DSCAM: variants seen among roughly 807,000 people sequenced by gnomAD.
DSCAM encodes the protein DS cell adhesion molecule.
In DSCAM, 47 loss-of-function variants were observed where a neutral mutation model predicts 217.7. That is an observed-to-expected ratio of 0.22 (90% CI 0.17 to 0.28). The LOEUF (loss-of-function observed/expected upper bound fraction) is 0.28. Ranked by LOEUF, DSCAM falls within the 10% of genes least tolerant of loss-of-function variation. The pLI, the probability that DSCAM is intolerant of heterozygous loss-of-function variation, is 1.00. For missense variants in DSCAM, 2,080 were observed against 2,618.3 expected, an observed-to-expected ratio of 0.79 and a Z score of 4.49; for synonymous variants, 1,056 against 1,015.3, an observed-to-expected ratio of 1.04 and a Z score of -0.76.
intron 20 of DSCAM, among the ~76,000 whole-genome samples, chr21:40,121,562 A>G (rs952374935): frequency 4.6e-5 from 7 of 151,942 alleles, no homozygotes; most frequent in Non-Finnish European, 8.8e-5. Context: ...GCACCTGCCC[A>G]TCATATTTCT....
At chr21:40,387,046 G>A (rs1291048415) in intron 3 of DSCAM, among the ~76,000 whole-genome samples, 1 of 151,834 alleles carries the variant, frequency 6.6e-6, no homozygotes, top group Non-Finnish European at 1.5e-5. Flanking sequence ...TTCTGACTAT[G>A]TAAAAAACTA....
intron 11 of DSCAM, among the ~76,000 whole-genome samples, chr21:40,218,492 A>G (rs1349572362): frequency 6.6e-6 from 1 of 152,072 alleles, no homozygotes; most frequent in African/African-American, 2.4e-5. Flanking sequence ...TTTTGGTTCC[A>G]TATGAATTTC....
intron 2 of DSCAM, among the ~76,000 whole-genome samples, chr21:40,695,658 G>A (rs1380325826): frequency 6.6e-6 from 1 of 152,156 alleles, no homozygotes; most frequent in Non-Finnish European, 1.5e-5. Flanking sequence ...TGTGCAGTGA[G>A]CCTTTAAAAA....
intron 9 of DSCAM, among the ~76,000 whole-genome samples, chr21:40,299,815 T>C (rs1220512058): frequency 6.6e-6 from 1 of 152,136 alleles, no homozygotes; most frequent in Non-Finnish European, 1.5e-5. Context: ...AGTTTATTTT[T>C]TAAAAAGTGC....
intron 16 of DSCAM, among the ~76,000 whole-genome samples, chr21:40,156,749 G>A (rs1274191547): frequency 6.6e-6 from 1 of 152,200 alleles, no homozygotes; most frequent in East Asian, 1.9e-4. Flanking sequence ...AGTCCAGGCT[G>A]AGGAGTTCTA....
intron 1 of DSCAM, among the ~76,000 whole-genome samples, chr21:40,710,164 G>A (rs966467803): frequency 9.4e-5 from 14 of 149,634 alleles, no homozygotes; most frequent in African/African-American, 3.5e-4. Context: ...TATATCATTT[G>A]CCCACTTTTT....
chr21:40,651,853 G>A (rs1293062890), intron 3 of DSCAM, among the ~76,000 whole-genome samples: 1 of 152,176 alleles, frequency 6.6e-6, no homozygotes, highest in African/African-American at 2.4e-5. Flanking sequence ...GTCTAAGTGG[G>A]ACCCAACTTC....
chr21:40,271,752 A>G (rs1005628487), intron 11 of DSCAM, among the ~76,000 whole-genome samples: 8 of 152,198 alleles, frequency 5.3e-5, no homozygotes, highest in African/African-American at 1.9e-4. Context: ...AAGCTTCCCC[A>G]TGGCAATGCA....
chr21:40,438,959 C>T (rs1411948566), intron 3 of DSCAM, among the ~76,000 whole-genome samples: 2 of 151,840 alleles, frequency 1.3e-5, no homozygotes, highest in African/African-American at 2.4e-5. Flanking sequence ...CTTAAAAAAC[C>T]AGTATATTTC....
At chr21:40,116,128 A>G in intron 20 of DSCAM, among the ~76,000 whole-genome samples, 1 of 152,152 alleles carries the variant, frequency 6.6e-6, no homozygotes, top group East Asian at 1.9e-4. Flanking sequence ...ATAGAGGGGA[A>G]CAACACACAA....
At chr21:40,148,793 C>A (rs1470005080) in intron 16 of DSCAM, among the ~76,000 whole-genome samples, 1 of 152,070 alleles carries the variant, frequency 6.6e-6, no homozygotes, top group Non-Finnish European at 1.5e-5. Context: ...ACCACCACCA[C>A]CAGCAATAGC....
intron 1 of DSCAM, among the ~76,000 whole-genome samples, chr21:40,842,693 C>A (rs749152457): frequency 4.5e-4 from 68 of 152,230 alleles, no homozygotes; most frequent in Non-Finnish European, 8.2e-4. Context: ...TGCCAGCTAC[C>A]CGGAGGTCCA....
At chr21:40,819,942 T>C (rs1229920175) in intron 1 of DSCAM, among the ~76,000 whole-genome samples, 1 of 152,144 alleles carries the variant, frequency 6.6e-6, no homozygotes, top group Admixed American at 6.5e-5. Context: ...AAGAACAGGA[T>C]ATCATCATCA....
intron 16 of DSCAM, among the ~76,000 whole-genome samples, chr21:40,147,885 A>C (rs2090376918): frequency 6.6e-6 from 1 of 152,128 alleles, no homozygotes; most frequent in South Asian, 2.1e-4. Context: ...TTTATTTACT[A>C]CCACAAATGC....
At chr21:40,187,076 A>T (rs1467452783) in intron 14 of DSCAM, 55 bp downstream of exon 14, 5 of 1,601,642 alleles carry the variant, frequency 3.1e-6, no homozygotes, top group Non-Finnish European at 4.3e-6. Flanking sequence ...AATAAGGAGA[A>T]AAATAAAAGA....
intron 21 of DSCAM, among the ~76,000 whole-genome samples, chr21:40,090,317 C>A (rs146184588): frequency 0.012 from 1,854 of 152,266 alleles, 43 homozygotes; most frequent in African/African-American, 0.042. Flanking sequence ...CTCCCCCTCC[C>A]AGCTTCTTCT....
At chr21:40,376,093 TTG>T (rs1191178059) in intron 3 of DSCAM, among the ~76,000 whole-genome samples, 3 of 152,186 alleles carry the variant, frequency 2.0e-5, no homozygotes, top group African/African-American at 7.2e-5. Context: ...GCTCTTGTTG[TTG>T]TGTTTTTCCT....
intron 27 of DSCAM, among the ~76,000 whole-genome samples, chr21:40,063,486 GA>G (rs900334458): frequency 2.0e-4 from 30 of 148,596 alleles, no homozygotes; most frequent in Admixed American, 4.7e-4. Context: ...AAAAGTGTAG[GA>G]AAAAAAAAAT....
intron 9 of DSCAM, among the ~76,000 whole-genome samples, chr21:40,310,488 T>C (rs143861082): frequency 6.6e-6 from 1 of 152,352 alleles, no homozygotes; most frequent in East Asian, 1.9e-4. Context: ...ATTTAACATA[T>C]TTGAAGAACA....
Sources: gnomAD v4.1 joint callset for allele counts (sites outside exome capture counted in the v4.1 genomes callset) on GRCh38, gnomAD v4.1.1 for gene constraint, MANE v1.5 for transcripts, NCBI Gene and HGNC (gene_info 2026-07-23, HGNC 2026-07-21) for gene names.